OR1J2: variants seen among roughly 807,000 people sequenced by gnomAD.
OR1J2 encodes olfactory receptor 1J2.
For missense variants in OR1J2, 304 were observed against 246.1 expected (o/e 1.24, Z -1.57); for synonymous variants, 142 against 99.7 (o/e 1.42, Z -2.52).
the OR1J2 span, among the ~76,000 whole-genome samples, chr9:122,531,460 T>G: frequency 6.6e-6 from 1 of 151,922 alleles, no homozygotes; most frequent in African/African-American, 2.4e-5. Flanking sequence ...GATGGCAGGT[T>G]TTTTGGGGTA....
chr9:122,558,457 G>C, the OR1J2 span, among the ~76,000 whole-genome samples: 10 of 150,002 alleles, frequency 6.7e-5, no homozygotes, highest in Non-Finnish European at 1.5e-4. Context: ...TTAAAGGTTT[G>C]ACAAATGCTT....
At chr9:122,547,677 C>A in the OR1J2 span, among the ~76,000 whole-genome samples, 1 of 148,452 alleles carries the variant, frequency 6.7e-6, no homozygotes, top group Non-Finnish European at 1.5e-5. Context: ...ACTACATTTT[C>A]TTTATCCAGT....
chr9:122,500,186 A>G, the OR1J2 span, among the ~76,000 whole-genome samples: 1 of 152,142 alleles, frequency 6.6e-6, no homozygotes, highest in African/African-American at 2.4e-5. Context: ...GGGTCTGGGA[A>G]AATGTCTGCA....
At chr9:122,452,273 C>A in the OR1J2 span, among the ~76,000 whole-genome samples, 3 of 152,276 alleles carry the variant, frequency 2.0e-5, no homozygotes, top group East Asian at 5.8e-4. Flanking sequence ...GGTTAAGGAT[C>A]AACTTTGGGT....
the OR1J2 span, among the ~76,000 whole-genome samples, chr9:122,478,355 T>C: frequency 6.6e-6 from 1 of 152,214 alleles, no homozygotes; most frequent in Non-Finnish European, 1.5e-5. Context: ...CCGAAGTATC[T>C]TGACTCCATA....
the OR1J2 span, among the ~76,000 whole-genome samples, chr9:122,449,521 C>G: frequency 1.3e-5 from 2 of 152,134 alleles, no homozygotes; most frequent in Non-Finnish European, 2.9e-5. Flanking sequence ...AGGTGCCCAC[C>G]ACCATGCCCA....
At chr9:122,552,606 G>A in the OR1J2 span, among the ~76,000 whole-genome samples, 62,557 of 151,798 alleles carry the variant, frequency 0.41, 13,111 homozygotes, top group Middle Eastern at 0.46. Flanking sequence ...ACTGCCCTCA[G>A]CTCACATATC....
chr9:122,540,591 C>A, the OR1J2 span, among the ~76,000 whole-genome samples: 1 of 152,124 alleles, frequency 6.6e-6, no homozygotes, highest in African/African-American at 2.4e-5. Context: ...ATTGACTTGG[C>A]GATGCGGGCT....
the OR1J2 span, chr9:122,520,095 T>C: frequency 1.6e-5 from 25 of 1,584,118 alleles, no homozygotes; most frequent in African/African-American, 2.6e-4. Flanking sequence ...TTTACTCTTC[T>C]TTATAACAGA....
chr9:122,449,147 G>A, the OR1J2 span, among the ~76,000 whole-genome samples: 3 of 152,100 alleles, frequency 2.0e-5, no homozygotes, highest in Non-Finnish European at 4.4e-5. Context: ...TAGCTTTACA[G>A]TAGTACAAAT....
chr9:122,477,012 C>G, the OR1J2 span: 1 of 1,612,044 alleles, frequency 6.2e-7, no homozygotes, highest in African/African-American at 1.3e-5. Flanking sequence ...CTGACCTACT[C>G]AAGAGTTTTC....
the OR1J2 span, among the ~76,000 whole-genome samples, chr9:122,545,825 C>T: frequency 6.6e-6 from 1 of 151,872 alleles, no homozygotes; most frequent in African/African-American, 2.4e-5. Context: ...TTGTAAAATA[C>T]CAGACTGGGA....
chr9:122,526,857 C>G, the OR1J2 span: 1 of 1,614,118 alleles, frequency 6.2e-7, no homozygotes, highest in South Asian at 1.1e-5. Context: ...GAGGACCCAG[C>G]ACAATGCAAG....
the OR1J2 span, chr9:122,527,171 C>T: frequency 1.8e-3 from 2,936 of 1,614,114 alleles, 43 homozygotes; most frequent in African/African-American, 0.034. Flanking sequence ...GGATGATGAG[C>T]AGGTTCCCAG....
At chr9:122,519,969 A>T in the OR1J2 span, 1 of 1,614,114 alleles carries the variant, frequency 6.2e-7, no homozygotes, top group Admixed American at 1.7e-5. Flanking sequence ...TGCCTCTGTG[A>T]TGTACACGGT....
the OR1J2 span, among the ~76,000 whole-genome samples, chr9:122,454,291 G>A: frequency 6.6e-6 from 1 of 152,182 alleles, no homozygotes; most frequent in Admixed American, 6.5e-5. Context: ...GCCGAGGTGG[G>A]TGGATCATTT....
the OR1J2 span, among the ~76,000 whole-genome samples, chr9:122,522,587 G>GTA: frequency 2.0e-5 from 3 of 151,704 alleles, no homozygotes; most frequent in Non-Finnish European, 2.9e-5. Context: ...GTGTGCATGT[G>GTA]TGTGTGTGTG....
the OR1J2 span, among the ~76,000 whole-genome samples, chr9:122,551,466 G>A: frequency 1.3e-5 from 2 of 152,106 alleles, no homozygotes; most frequent in Non-Finnish European, 2.9e-5. Context: ...TAAGGAAATC[G>A]CCAGCAGAAA....
chr9:122,530,063 A>C, the OR1J2 span, among the ~76,000 whole-genome samples: 1 of 152,208 alleles, frequency 6.6e-6, no homozygotes, highest in South Asian at 2.1e-4. Flanking sequence ...AGGTTGATAA[A>C]CCAAGATTAA....
Sources: allele counts gnomAD v4.1 joint callset (sites outside exome capture counted in the v4.1 genomes callset), GRCh38; gene constraint gnomAD v4.1.1; transcripts MANE v1.5; gene names NCBI Gene and HGNC (gene_info 2026-07-23, HGNC 2026-07-21).